Variants in NTRK3 observed in about 807,000 individuals in gnomAD.
NTRK3 encodes NT-3 growth factor receptor.
In NTRK3, 24 loss-of-function variants were observed where a neutral mutation model predicts 91.7. The observed-to-expected ratio is 0.26, with a 90% CI of 0.19 to 0.37. The LOEUF (loss-of-function observed/expected upper bound fraction) is 0.37, where lower values mean the gene tolerates loss of function less well. Ranked by LOEUF, NTRK3 falls within the 10% of genes least tolerant of loss-of-function variation. The probability of loss-of-function intolerance (pLI) is 1.00; values close to 1 mark genes in which losing one functional copy is unlikely to be tolerated. For missense variants in NTRK3, 880 were observed against 1,068.9 expected (o/e 0.82, Z 2.46); for synonymous variants, 483 against 404.0 (o/e 1.20, Z -2.34).
At chr15:88,144,702 C>T (rs1356335769) in intron 6 of NTRK3, among the ~76,000 whole-genome samples, 1 of 152,138 alleles carries the variant, frequency 6.6e-6, no homozygotes, top group Non-Finnish European at 1.5e-5. Context: ...TCATTTGTAA[C>T]ACTGGTCACA....
chr15:87,993,752 C>T, intron 14 of NTRK3, among the ~76,000 whole-genome samples: 1 of 152,124 alleles, frequency 6.6e-6, no homozygotes, highest in Non-Finnish European at 1.5e-5. Flanking sequence ...TCCAAATCTC[C>T]AAATAACCAA....
intron 9 of NTRK3, 31 bp from the exon 10 acceptor site, chr15:88,135,428 G>A (rs371207459): frequency 1.4e-4 from 224 of 1,608,268 alleles, no homozygotes; most frequent in Non-Finnish European, 1.7e-4. Context: ...TGAAATCCAG[G>A]ACACAGAGTC....
chr15:88,094,764 G>C (rs1044924912), intron 13 of NTRK3, among the ~76,000 whole-genome samples: 14 of 152,192 alleles, frequency 9.2e-5, no homozygotes. Context: ...CTGCAGACGT[G>C]AATGTCCCTC....
chr15:87,886,005 AG>A (rs775495225), intron 17 of NTRK3, among the ~76,000 whole-genome samples: 9 of 152,074 alleles, frequency 5.9e-5, no homozygotes, highest in Non-Finnish European at 1.0e-4. Flanking sequence ...CCTTCAAATT[AG>A]TTAGGAAAAG....
chr15:87,884,772 T>C (rs2065443366), intron 17 of NTRK3, among the ~76,000 whole-genome samples: 1 of 151,760 alleles, frequency 6.6e-6, no homozygotes, highest in African/African-American at 2.4e-5. Context: ...ATGCCAAAAA[T>C]TTCCAACATC....
intron 16 of NTRK3, among the ~76,000 whole-genome samples, chr15:87,931,660 G>A (rs999559711): frequency 6.6e-6 from 1 of 152,186 alleles, no homozygotes; most frequent in African/African-American, 2.4e-5. Context: ...TGTGAATCCA[G>A]GTTTAGAAGG....
intron 13 of NTRK3, among the ~76,000 whole-genome samples, chr15:88,076,743 G>C (rs1429359206): frequency 6.7e-6 from 1 of 150,320 alleles, no homozygotes; most frequent in African/African-American, 2.4e-5. Context: ...TGTACTATGA[G>C]AGAAAGCACA....
chr15:88,046,886 G>T (rs2080257448), intron 13 of NTRK3, among the ~76,000 whole-genome samples: 1 of 152,190 alleles, frequency 6.6e-6, no homozygotes, highest in Non-Finnish European at 1.5e-5. Context: ...GCATGTGCAG[G>T]TATAAATGCA....
At chr15:88,131,082 A>G (rs770870884) in intron 10 of NTRK3, among the ~76,000 whole-genome samples, 4 of 152,272 alleles carry the variant, frequency 2.6e-5, no homozygotes, top group African/African-American at 4.8e-5. Flanking sequence ...ACAGATTACT[A>G]GTCCTCACCT....
At chr15:87,969,841 C>T (rs1887210651) in intron 14 of NTRK3, among the ~76,000 whole-genome samples, 1 of 152,174 alleles carries the variant, frequency 6.6e-6, no homozygotes, top group African/African-American at 2.4e-5. Flanking sequence ...TTGGCCTTGT[C>T]CAGCTGTGAC....
At chr15:88,256,608 C>T in intron 1 of NTRK3, 36 bp downstream of exon 1, 1 of 472,618 alleles carries the variant, frequency 2.1e-6, no homozygotes, top group Non-Finnish European at 3.6e-6. Context: ...CACGCACCTG[C>T]AAAACACACA....
exon 19 of NTRK3, chr15:87,864,448 T>C (rs1236812510): frequency 4.3e-6 from 1 of 230,264 alleles, no homozygotes; most frequent in Non-Finnish European, 8.6e-6. Context: ...CAGGTCAAAC[T>C]TTCTCTACCT....
chr15:87,979,310 G>A (rs2073994560), intron 14 of NTRK3: 7 of 1,437,624 alleles, frequency 4.9e-6, no homozygotes, highest in Admixed American at 1.7e-5. Context: ...AGCCTACCAA[G>A]GTGACATCAA....
At chr15:88,117,348 C>T (rs2052206395) in intron 13 of NTRK3, among the ~76,000 whole-genome samples, 1 of 152,128 alleles carries the variant, frequency 6.6e-6, no homozygotes, top group Admixed American at 6.5e-5. Context: ...AGTAGGTACT[C>T]AATGAATGTT....
At chr15:88,025,766 C>T (rs1020322980) in intron 14 of NTRK3, among the ~76,000 whole-genome samples, 2 of 152,088 alleles carry the variant, frequency 1.3e-5, no homozygotes, top group African/African-American at 2.4e-5. Flanking sequence ...TACTGTATTC[C>T]GGCATCCCTA....
rs72478446 is a variant in NTRK3, at chr15:87,865,976, T to C, written c.*10959A>G. 1,360 of 231,548 alleles carry C rather than the reference T, an allele frequency of 5.9e-3. 25 individuals are homozygous for C. The highest frequency in any genetic ancestry group is 0.03 in the East Asian group (499 of 16,444). The allele number at this position is 231,548 out of a possible 1,614,324, so 14.3% of individuals were successfully genotyped here. On this transcript the variant is annotated 3_prime_UTR_variant, in exon 19 of 19. Transcript: ENST00000394480. ...TGTCTCAAAAGCGGCTCTCAGTCAC[T>C]CAGCTCAGCACCCAGCAAGACTGTA...
chr15:88,109,966 A>C (rs573034489), intron 13 of NTRK3, among the ~76,000 whole-genome samples: 4 of 152,192 alleles, frequency 2.6e-5, no homozygotes, highest in African/African-American at 9.6e-5. Context: ...TATATACACA[A>C]TTTCATTTAA....
chr15:88,032,724 G>T, intron 14 of NTRK3, 133 bp downstream of exon 14: 1 of 996,570 alleles, frequency 1.0e-6, no homozygotes, highest in South Asian at 1.4e-5. Flanking sequence ...AAACAAACAG[G>T]GAGGGTCTCT....
At chr15:88,141,866 C>T (rs2042416956) in intron 6 of NTRK3, among the ~76,000 whole-genome samples, 1 of 152,226 alleles carries the variant, frequency 6.6e-6, no homozygotes, top group Non-Finnish European at 1.5e-5. Flanking sequence ...ATCCTTTCCC[C>T]CCAGGGTCCT....
Sources: allele counts gnomAD v4.1 joint callset (sites outside exome capture counted in the v4.1 genomes callset), GRCh38; gene constraint gnomAD v4.1.1; transcripts MANE v1.5; gene names NCBI Gene and HGNC (gene_info 2026-07-23, HGNC 2026-07-21).